MARK1: variants seen among roughly 807,000 people sequenced by gnomAD.
MARK1 encodes the protein microtubule affinity regulating kinase 1.
In MARK1, 40 loss-of-function variants were observed where a neutral mutation model predicts 96.3. The observed-to-expected ratio is 0.42, with a 90% CI of 0.32 to 0.54. MARK1 has a LOEUF of 0.54. Ranked by LOEUF, MARK1 falls within the 20% of genes least tolerant of loss-of-function variation. The pLI is 0.16. For synonymous variants in MARK1, 317 were observed against 341.2 expected (o/e 0.93, Z 0.78); for missense variants, 719 against 984.6 (o/e 0.73, Z 3.61).
At chr1:220,554,515 C>G (rs963205723) in intron 1 of MARK1, among the ~76,000 whole-genome samples, 5 of 152,116 alleles carry the variant, frequency 3.3e-5, no homozygotes, top group African/African-American at 9.7e-5. Flanking sequence ...CCCCAAATGT[C>G]TGTAGTACTG....
At chr1:220,603,901 A>AT (rs2102921081) in intron 5 of MARK1, among the ~76,000 whole-genome samples, 166 bp from the exon 6 acceptor site, 1 of 152,118 alleles carries the variant, frequency 6.6e-6, no homozygotes. Flanking sequence ...TTTATATGTA[A>AT]TTTTTTCCTT....
At chr1:220,535,959 G>T (rs879869932) in intron 1 of MARK1, among the ~76,000 whole-genome samples, 5 of 152,070 alleles carry the variant, frequency 3.3e-5, no homozygotes, top group Admixed American at 1.3e-4. Flanking sequence ...TTCTAACTTT[G>T]TTCTTTCTGA....
At chr1:220,592,104 C>T (rs1196849950) in intron 3 of MARK1, among the ~76,000 whole-genome samples, 1 of 151,782 alleles carries the variant, frequency 6.6e-6, no homozygotes, top group Non-Finnish European at 1.5e-5. Flanking sequence ...TTCTTGCCTT[C>T]TGATGTTCAC....
chr1:220,564,311 C>T (rs1041307629), intron 1 of MARK1, among the ~76,000 whole-genome samples: 2 of 152,092 alleles, frequency 1.3e-5, no homozygotes, highest in South Asian at 2.1e-4. Context: ...GAAGCCCAGT[C>T]GTAGGGCTGT....
Position 220,650,610 on chromosome 1 carries a change from A to G in MARK1, c.1471-10A>G. On this transcript the variant is annotated splice_polypyrimidine_tract_variant and intron_variant, in intron 13 of 17. Transcript: ENST00000366917. ...ATAATTTTTTAATTGCCTTTTTTTT[A>G]TTCTTGAAGAACAATGTGTATTCTG... 6.5e-7 allele frequency: 1 copy of G among 1,538,918 alleles called. No homozygotes were observed. Among genetic ancestry groups the G allele is most frequent in the Non-Finnish European group, 8.9e-7 (1 of 1,122,428 alleles).
chr1:220,610,023 G>A (rs934468192), intron 6 of MARK1, among the ~76,000 whole-genome samples: 1 of 152,158 alleles, frequency 6.6e-6, no homozygotes, highest in Admixed American at 6.5e-5. Flanking sequence ...TGACAATTAT[G>A]TGTCTTGGGG....
At chr1:220,645,345 A>G (rs921654487) in intron 13 of MARK1, among the ~76,000 whole-genome samples, 3 of 152,090 alleles carry the variant, frequency 2.0e-5, no homozygotes, top group African/African-American at 7.2e-5. Context: ...GGACACATAC[A>G]CCCTCCCAAG....
At position 220,648,901 on chromosome 1, in the gene MARK1, A is replaced by G. The variant is rs12033097; in HGVS notation, c.1471-1719A>G. Among the ~76,000 whole-genome samples the G allele has an allele frequency of 8.5e-5, 13 of 152,272 alleles. No individual in the cohort carries two copies. The East Asian group carries it at 2.3e-3, about 27-fold the overall frequency. On this transcript the variant is annotated intron_variant, in intron 13 of 17. Transcript: ENST00000366917. ...TCCTCTAGATTTCAAATTTCCAGTT[A>G]ATTTCTAGGGAATTAAATATTAGTA...
intron 1 of MARK1, among the ~76,000 whole-genome samples, chr1:220,533,776 C>A (rs1660489652): frequency 6.6e-6 from 1 of 152,110 alleles, no homozygotes; most frequent in Non-Finnish European, 1.5e-5. Flanking sequence ...AATGTACCAA[C>A]CATTATGTCT....
chr1:220,638,648 A>C (rs1409023416), intron 13 of MARK1, among the ~76,000 whole-genome samples: 1 of 152,210 alleles, frequency 6.6e-6, no homozygotes, highest in Non-Finnish European at 1.5e-5. Flanking sequence ...AATTAGTTTA[A>C]ATTCAAATTA....
At chr1:220,577,613 G>A (rs1169166161) in intron 1 of MARK1, among the ~76,000 whole-genome samples, 1 of 152,204 alleles carries the variant, frequency 6.6e-6, no homozygotes, top group Non-Finnish European at 1.5e-5. Context: ...CAGAGAATTT[G>A]CATTTTGAAC....
chr1:220,529,319 C>G (rs1444509570), intron 1 of MARK1, among the ~76,000 whole-genome samples: 1 of 152,202 alleles, frequency 6.6e-6, no homozygotes, highest in African/African-American at 2.4e-5. Flanking sequence ...TCCCCTCCTC[C>G]CCCCGCATTG....
At chr1:220,606,415 T>G (rs1558293262) in intron 6 of MARK1, among the ~76,000 whole-genome samples, 1 of 152,222 alleles carries the variant, frequency 6.6e-6, no homozygotes, top group Non-Finnish European at 1.5e-5. Flanking sequence ...TTGTAGGTTC[T>G]GGATATTAGC....
chr1:220,653,308 G>A lies in MARK1; in HGVS notation c.1944G>A (p.Thr648=), dbSNP rs746233549. ...CATTTGCACATGCCAGAAGGGGAACGTCAACTGGTATAATAAGCAAAATCA... is the reference window on the plus strand; with the variant it reads ...CATTTGCACATGCCAGAAGGGGAACATCAACTGGTATAATAAGCAAAATCA... The part of the protein sequence containing the change: ...TGAFAHARRG[T]STGIISKITS... Residue 648 remains threonine, a synonymous_variant, in exon 16 of 18, where the codon ACG becomes ACA. Coordinates refer to ENST00000366917, the MANE Select transcript of MARK1 (RefSeq NM_018650.5). 1.7e-5 allele frequency: 27 copies of A among 1,614,092 alleles called. No homozygotes were observed. Among genetic ancestry groups the A allele is most frequent in the African/African-American group, 2.7e-5 (2 of 74,936 alleles).
At chr1:220,642,904 C>T (rs1668362273) in intron 13 of MARK1, among the ~76,000 whole-genome samples, 1 of 152,064 alleles carries the variant, frequency 6.6e-6, no homozygotes, top group Admixed American at 6.6e-5. Context: ...AAACAGAAAG[C>T]AACGACAAGT....
rs1572206736 is a variant in MARK1 at position 220,632,575 on chromosome 1, C to T, written c.1122+262C>T. On this transcript the variant is annotated intron_variant, in intron 11 of 17. Transcript: ENST00000366917. ...CCTGGCCTTTGAGAATGGCCTCCCA[C>T]ACAGCTTGTGCATCCAAATGTAACA... Among the ~76,000 whole-genome samples, 3 of 152,306 alleles carry T rather than the reference C, an allele frequency of 2.0e-5. No individual in the cohort carries two copies. In the South Asian group the frequency reaches 6.2e-4, roughly 32 times the overall value.
rs1669045325 is a variant in MARK1 at position 220,654,110 on chromosome 1, C to T, written c.1988+758C>T. ...AGATGGCATCTGTGCCCTCCAGATT[C>T]TTATAGTCTTGTAAGAAGCAGACAA... is the stretch of plus-strand genomic sequence containing the variant. On this transcript the variant is annotated intron_variant, in intron 16 of 17. Coordinates refer to ENST00000366917, the MANE Select transcript of MARK1 (RefSeq NM_018650.5). The surrounding 1 kb of genome is among the most constrained non-coding windows in gnomAD (Gnocchi z 4.0). 6.6e-6 allele frequency among the ~76,000 whole-genome samples: 1 copy of T among 152,162 alleles called. No individual in the cohort carries two copies. The highest frequency in any genetic ancestry group is 2.4e-5 in the African/African-American group (1 of 41,432).
intron 1 of MARK1, among the ~76,000 whole-genome samples, chr1:220,563,583 G>A (rs1352757199): frequency 1.3e-5 from 2 of 152,178 alleles, no homozygotes; most frequent in Non-Finnish European, 2.9e-5. Context: ...TTAAAAGATG[G>A]AGAGAAACTG....
chr1:220,579,868 T>G (rs1177596569), intron 2 of MARK1, among the ~76,000 whole-genome samples: 1 of 152,212 alleles, frequency 6.6e-6, no homozygotes, highest in African/African-American at 2.4e-5. Context: ...TGCCCAGCCC[T>G]CAGGAACAAA....
Sources: allele counts gnomAD v4.1 joint callset (sites outside exome capture counted in the v4.1 genomes callset), GRCh38; gene constraint gnomAD v4.1.1; non-coding constraint Gnocchi (gnomAD v3.1); transcripts MANE v1.5; gene names NCBI Gene and HGNC (gene_info 2026-07-23, HGNC 2026-07-21).